Variants in ERBB4 observed in about 807,000 individuals in gnomAD.
ERBB4 encodes the protein receptor tyrosine-protein kinase erbB-4.
Under a neutral mutation model 158.0 loss-of-function variants are expected in ERBB4, and 42 were observed. The ratio of observed to expected loss-of-function variants is 0.27; its 90% CI spans 0.21 to 0.34. The LOEUF (loss-of-function observed/expected upper bound fraction) is 0.34, where lower values mean the gene tolerates loss of function less well. Ranked by LOEUF, ERBB4 falls within the 10% of genes least tolerant of loss-of-function variation. ERBB4 has a pLI of 1.00. For missense variants in ERBB4, 1,333 were observed against 1,624.1 expected, an observed-to-expected ratio of 0.82 and a Z score of 3.08; for synonymous variants, 583 against 558.7, an observed-to-expected ratio of 1.04 and a Z score of -0.61.
chr2:211,438,952 A>C (rs183289743), intron 20 of ERBB4, among the ~76,000 whole-genome samples: 190 of 151,656 alleles, frequency 1.3e-3, no homozygotes, highest in Non-Finnish European at 2.4e-3. Flanking sequence ...ATTTATTTGA[A>C]ATTTATTTTT....
At chr2:212,359,102 A>G (rs1423806582) in intron 1 of ERBB4, among the ~76,000 whole-genome samples, 1 of 151,718 alleles carries the variant, frequency 6.6e-6, no homozygotes, top group Non-Finnish European at 1.5e-5. Flanking sequence ...ATTTCACAAC[A>G]GATATTGTTC....
chr2:211,781,075 A>T (rs941325603), intron 4 of ERBB4, among the ~76,000 whole-genome samples: 1 of 152,102 alleles, frequency 6.6e-6, no homozygotes, highest in Admixed American at 6.5e-5. Flanking sequence ...TTTTTGCTTT[A>T]CTACACAATA....
intron 1 of ERBB4, among the ~76,000 whole-genome samples, chr2:212,270,799 TG>T (rs1208418500): frequency 6.6e-6 from 1 of 151,526 alleles, no homozygotes; most frequent in Non-Finnish European, 1.5e-5. Context: ...AAAGAGAGAA[TG>T]ATTGAGAGGG....
At chr2:212,210,467 C>T (rs1401583839) in intron 1 of ERBB4, among the ~76,000 whole-genome samples, 2 of 152,046 alleles carry the variant, frequency 1.3e-5, no homozygotes, top group Admixed American at 6.6e-5. Context: ...AATCCTCTGT[C>T]TCCTATAAGA....
intron 3 of ERBB4, among the ~76,000 whole-genome samples, chr2:211,883,661 C>T (rs915250653): frequency 3.9e-5 from 6 of 151,906 alleles, no homozygotes; most frequent in African/African-American, 1.5e-4. Flanking sequence ...TCGTGGGCAC[C>T]TATAATCCCA....
At chr2:211,804,565 C>T (rs2076571141) in intron 3 of ERBB4, among the ~76,000 whole-genome samples, 1 of 152,160 alleles carries the variant, frequency 6.6e-6, no homozygotes, top group Non-Finnish European at 1.5e-5. Flanking sequence ...CAGGAATTGA[C>T]ATCAGTCAAC....
At chr2:212,203,892 C>T (rs1167860610) in intron 1 of ERBB4, among the ~76,000 whole-genome samples, 1 of 152,152 alleles carries the variant, frequency 6.6e-6, no homozygotes, top group African/African-American at 2.4e-5. Flanking sequence ...AACTTTGTTT[C>T]TAGATAAATG....
At chr2:212,366,682 C>A (rs1461200736) in intron 1 of ERBB4, among the ~76,000 whole-genome samples, 1 of 151,956 alleles carries the variant, frequency 6.6e-6, no homozygotes, top group African/African-American at 2.4e-5. Flanking sequence ...ACTTAGAGCA[C>A]TTGATACTAC....
At chr2:211,423,276 C>T (rs1025759444) in intron 23 of ERBB4, among the ~76,000 whole-genome samples, 1 of 151,862 alleles carries the variant, frequency 6.6e-6, no homozygotes, top group Non-Finnish European at 1.5e-5. Flanking sequence ...TTTTTATTTC[C>T]TCCCTCACTG....
At chr2:211,706,985 T>C (rs1050710689) in intron 9 of ERBB4, among the ~76,000 whole-genome samples, 2 of 152,196 alleles carry the variant, frequency 1.3e-5, no homozygotes, top group Middle Eastern at 3.2e-3. Context: ...GAATTTTGTA[T>C]ACAGAGGAAA....
At chr2:212,070,499 C>CA (rs1261803499) in intron 2 of ERBB4, among the ~76,000 whole-genome samples, 1 of 152,022 alleles carries the variant, frequency 6.6e-6, no homozygotes, top group Non-Finnish European at 1.5e-5. Flanking sequence ...ACATATAAAT[C>CA]AATTGAATAG....
intron 1 of ERBB4, among the ~76,000 whole-genome samples, chr2:212,310,755 T>C (rs1213075314): frequency 6.6e-6 from 1 of 150,430 alleles, no homozygotes; most frequent in South Asian, 2.1e-4. Flanking sequence ...ATGATTGCTA[T>C]TTTACCATGA....
intron 20 of ERBB4, among the ~76,000 whole-genome samples, chr2:211,491,559 C>A (rs1004547186): frequency 6.6e-6 from 1 of 151,970 alleles, no homozygotes; most frequent in African/African-American, 2.4e-5. Flanking sequence ...AAACTACGTA[C>A]ATCATTAAAT....
At position 211,781,909 on chromosome 2, in the gene ERBB4, G is replaced by T. The variant is rs565516539; in HGVS notation, c.556+6116C>A. Among the ~76,000 whole-genome samples the T allele has an allele frequency of 6.6e-5, 10 of 152,296 alleles. No homozygotes were observed. The East Asian group carries it at 1.9e-3, about 29-fold the overall frequency. ...CCTCCCACGCCAGACTTGGTGCCCA[G>T]TCAATGCACTGCAGTCTCTAAGGGG... On this transcript the variant is annotated intron_variant, in intron 4 of 27. Transcript: ENST00000342788.
intron 1 of ERBB4, among the ~76,000 whole-genome samples, chr2:212,249,257 T>A (rs1172586914): frequency 1.3e-5 from 2 of 152,004 alleles, no homozygotes; most frequent in Non-Finnish European, 2.9e-5. Context: ...CACATATGAC[T>A]AAGGAAATTG....
At chr2:212,337,450 C>T (rs767648406) in intron 1 of ERBB4, among the ~76,000 whole-genome samples, 2 of 152,004 alleles carry the variant, frequency 1.3e-5, no homozygotes, top group African/African-American at 2.4e-5. Context: ...GCAACAAATC[C>T]GCTTTCACAA....
intron 12 of ERBB4, among the ~76,000 whole-genome samples, chr2:211,681,302 G>C (rs1372215140): frequency 6.6e-6 from 1 of 152,114 alleles, no homozygotes; most frequent in Non-Finnish European, 1.5e-5. Context: ...AAAAATAGTA[G>C]TAGTAGATTA....
chr2:212,496,823 T>C (rs1348659927), intron 1 of ERBB4, among the ~76,000 whole-genome samples: 3 of 152,220 alleles, frequency 2.0e-5, no homozygotes, highest in African/African-American at 2.4e-5. Flanking sequence ...TTATGCTCTA[T>C]ATCCTGCATT....
chr2:212,256,900 G>A (rs760598045), intron 1 of ERBB4, among the ~76,000 whole-genome samples: 30 of 152,130 alleles, frequency 2.0e-4, no homozygotes, highest in Non-Finnish European at 7.4e-5. Flanking sequence ...TAGAACCAGC[G>A]TTTGTGTTAT....
Sources: allele counts gnomAD v4.1 joint callset (sites outside exome capture counted in the v4.1 genomes callset), GRCh38; gene constraint gnomAD v4.1.1; transcripts MANE v1.5; gene names NCBI Gene and HGNC (gene_info 2026-07-23, HGNC 2026-07-21).